Variants in TMEM106B observed in about 807,000 individuals in gnomAD.
TMEM106B encodes transmembrane protein 106B.
A neutral mutation model predicts 31.1 loss-of-function variants in TMEM106B; 15 were observed. That is an observed-to-expected ratio of 0.48 (90% confidence interval 0.32 to 0.74). TMEM106B has a LOEUF of 0.74. TMEM106B is among the 30% of genes least tolerant of loss of function. The pLI is 0.03. For synonymous variants in TMEM106B, 126 were observed against 112.5 expected, an observed-to-expected ratio of 1.12 and a Z score of -0.76; for missense variants, 283 against 327.3, an observed-to-expected ratio of 0.86 and a Z score of 1.04.
In TMEM106B at chr7:12,231,852, A is replaced by G; in HGVS notation, c.702A>G (p.Thr234=). The change falls in exon 8 of 8, where the codon ACA becomes ACG. Residue 234 remains threonine (T), a synonymous_variant. Transcript: ENST00000396668. ...TTATTTTTAGAGTTACTGTGACAAC[A>G]ACATACTTTGGCCACTCTGAACAGA... is the stretch of plus-strand genomic sequence containing the variant. ...IVLMMQVTVT[T]TYFGHSEQIS... 6 of 1,601,232 alleles carry G rather than the reference A, an allele frequency of 3.7e-6. No individual in the cohort carries two copies. The highest frequency in any genetic ancestry group is 5.1e-6 in the Non-Finnish European group (6 of 1,171,538).
chr7:12,231,294 G>A (rs1283859195), intron 7 of TMEM106B, 179 bp downstream of exon 7: 2 of 517,756 alleles, frequency 3.9e-6, no homozygotes, highest in Admixed American at 3.9e-5. Context: ...GTTCAGAGAA[G>A]TAGTGAAAGA....
Position 12,231,909 on chromosome 7 carries a change from T to C in TMEM106B, c.759T>C (p.Cys253=). 1 of 1,612,674 alleles carries C rather than the reference T, an allele frequency of 6.2e-7. No homozygotes were observed. The highest frequency in any genetic ancestry group is 1.3e-5 in the African/African-American group (1 of 74,996). ...ISQERYQYVD[C]GRNTTYQLGQ... is the part of the protein sequence containing the mutation. ...AGGAGAGGTATCAGTATGTCGACTG[T>C]GGAAGAAACACAACTTATCAGTTGG... Residue 253 remains cysteine, a synonymous_variant, in exon 8 of 8, where the codon TGT becomes TGC. Coordinates refer to ENST00000396668, the MANE Select transcript of TMEM106B (RefSeq NM_001134232.2).
intron 4 of TMEM106B, among the ~76,000 whole-genome samples, chr7:12,228,183 A>G (rs879730886): frequency 2.6e-5 from 4 of 152,022 alleles, no homozygotes; most frequent in South Asian, 4.1e-4. Flanking sequence ...GACTATACCA[A>G]TGTAAATGAC....
intron 4 of TMEM106B, among the ~76,000 whole-genome samples, chr7:12,229,172 C>T (rs5011438): frequency 0.5 from 76,366 of 151,480 alleles, 20,328 homozygotes; most frequent in African/African-American, 0.66. Flanking sequence ...TTTGAGACAA[C>T]AGTTGTAAAT....
At position 12,239,617 on chromosome 7, in the gene TMEM106B, TTC is replaced by T. The variant is rs1195800777; in HGVS notation, c.*7643_*7644del. On this transcript the variant is annotated 3_prime_UTR_variant, in exon 8 of 8. Coordinates refer to ENST00000396668, the MANE Select transcript of TMEM106B (RefSeq NM_001134232.2). The stretch of plus-strand genomic sequence containing the variant: ...ATTGAAAGTGAGAGATATGTGACTC[TTC>T]CTTTTACTTGAACAGTTAGAGGCTA... The T allele has an allele frequency of 9.2e-5, 14 of 152,122 alleles. No individual in the cohort carries two copies. Among genetic ancestry groups the T allele is most frequent in the African/African-American group, 3.4e-4 (14 of 41,428 alleles). 9.4% of individuals were successfully genotyped at this position (152,122 alleles called of 1,614,324 possible).
At chr7:12,220,950 T>A (rs552574911) in intron 3 of TMEM106B, among the ~76,000 whole-genome samples, 45 of 152,228 alleles carry the variant, frequency 3.0e-4, no homozygotes, top group Non-Finnish European at 5.4e-4. Context: ...ATGTTTTTCT[T>A]TGAAAACACC....
chr7:12,219,985 A>T (rs1781756488), intron 3 of TMEM106B, among the ~76,000 whole-genome samples: 1 of 152,158 alleles, frequency 6.6e-6, no homozygotes, highest in Non-Finnish European at 1.5e-5. Context: ...AGGTTAGTGA[A>T]ATTCTTGAAC....
chr7:12,218,286 G>A (rs552379131), intron 2 of TMEM106B, among the ~76,000 whole-genome samples, 172 bp from the exon 3 acceptor site: 18 of 145,658 alleles, frequency 1.2e-4, no homozygotes, highest in Admixed American at 3.5e-4. Context: ...GAAAAAACAC[G>A]CTGTCTTCTC....
At chr7:12,230,807 G>A in intron 6 of TMEM106B, 2 of 341,484 alleles carry the variant, frequency 5.9e-6, no homozygotes, top group East Asian at 5.0e-5. Context: ...CAAAATTTCA[G>A]AAGATGAGCA....
At chr7:12,230,553 G>A in intron 6 of TMEM106B, 115 bp downstream of exon 6, 1 of 657,176 alleles carries the variant, frequency 1.5e-6, no homozygotes, top group Non-Finnish European at 2.5e-6. Flanking sequence ...AGTACATTAT[G>A]TAGTATTCTG....
chr7:12,228,249 T>G (rs1265476713), intron 4 of TMEM106B, among the ~76,000 whole-genome samples: 1 of 151,870 alleles, frequency 6.6e-6, no homozygotes, highest in Non-Finnish European at 1.5e-5. Flanking sequence ...ATCCTTTTTT[T>G]TACTAAAACT....
intron 7 of TMEM106B, 68 bp from the exon 8 acceptor site, chr7:12,231,769 G>A (rs1341904337): frequency 7.8e-7 from 1 of 1,279,466 alleles, no homozygotes; most frequent in African/African-American, 1.5e-5. Context: ...ATGTGTTAAA[G>A]TAGTCTCACT....
At position 12,232,979 on chromosome 7, in the gene TMEM106B, A is replaced by T. The variant is rs574130616; in HGVS notation, c.*1004A>T. 307 of 151,876 alleles carry T rather than the reference A, an allele frequency of 2.0e-3. 3 individuals are homozygous for T. The highest frequency in any genetic ancestry group is 7.0e-3 in the African/African-American group (290 of 41,516). The allele number at this position is 151,876 out of a possible 1,614,324, so 9.4% of individuals were successfully genotyped here. Reference sequence around the variant, plus strand: ...TGTTAGGTACCCAGTTATCAATTTTATCAATGTTTTAGAGGAGGAAATTAT... The same window carrying T: ...TGTTAGGTACCCAGTTATCAATTTTTTCAATGTTTTAGAGGAGGAAATTAT... On this transcript the variant is annotated 3_prime_UTR_variant, in exon 8 of 8. Transcript: ENST00000396668.
intron 4 of TMEM106B, among the ~76,000 whole-genome samples, chr7:12,227,898 T>C (rs1186685410): frequency 6.6e-6 from 1 of 151,890 alleles, no homozygotes; most frequent in East Asian, 1.9e-4. Context: ...TATTACATCA[T>C]TGATCCCTTA....
rs574742088 is a variant in TMEM106B at position 12,212,626 on chromosome 7, T to G, written c.-3+1201T>G. On this transcript the variant is annotated intron_variant, in intron 1 of 7. Transcript: ENST00000396668. ...TGCGAATTTTATTTATTTTTTTATC[T>G]TTGTATTTATTTTGTGTATATTCAT... is the stretch of plus-strand genomic sequence containing the variant. Among the ~76,000 whole-genome samples the G allele has an allele frequency of 1.6e-4, 24 of 152,302 alleles. 1 individual carries two copies. The South Asian group carries it at 1.7e-3, about 11-fold the overall frequency.
chr7:12,224,807 T>C (rs1370100162), intron 4 of TMEM106B, among the ~76,000 whole-genome samples: 1 of 152,118 alleles, frequency 6.6e-6, no homozygotes, highest in Non-Finnish European at 1.5e-5. Flanking sequence ...CTTTATCAGC[T>C]TTAAAGATGA....
At chr7:12,220,469 G>A (rs1040172400) in intron 3 of TMEM106B, among the ~76,000 whole-genome samples, 2 of 152,220 alleles carry the variant, frequency 1.3e-5, no homozygotes, top group East Asian at 3.9e-4. Flanking sequence ...CAAAATAGAA[G>A]CTATGAACAG....
intron 3 of TMEM106B, among the ~76,000 whole-genome samples, chr7:12,219,542 G>A (rs1781748079): frequency 3.9e-5 from 6 of 152,162 alleles, no homozygotes; most frequent in Admixed American, 3.9e-4. Flanking sequence ...AAAGGCATGT[G>A]AAAAGAGCAG....
At chr7:12,215,388 A>G (rs1781666227) in intron 2 of TMEM106B, among the ~76,000 whole-genome samples, 1 of 151,296 alleles carries the variant, frequency 6.6e-6, no homozygotes, top group Admixed American at 6.6e-5. Flanking sequence ...CAATTTAAGT[A>G]ATTTGTTGAC....
Sources: allele counts gnomAD v4.1 joint callset (sites outside exome capture counted in the v4.1 genomes callset), GRCh38; gene constraint gnomAD v4.1.1; transcripts MANE v1.5; gene names NCBI Gene and HGNC (gene_info 2026-07-23, HGNC 2026-07-21).